ZFYVE21: variants seen among roughly 807,000 people sequenced by gnomAD.
The protein encoded by ZFYVE21 is zinc finger FYVE-type containing 21.
ZFYVE21 carries 21 observed loss-of-function variants against 29.5 expected under a neutral mutation model. That is an observed-to-expected ratio of 0.71 (90% confidence interval 0.50 to 1.02). ZFYVE21 has a LOEUF of 1.02. ZFYVE21 is among the 50% of genes least tolerant of loss of function. The pLI is 0.00. For missense variants in ZFYVE21, 326 were observed against 335.4 expected (o/e 0.97, Z 0.22); for synonymous variants, 151 against 133.8 (o/e 1.13, Z -0.89).
At chr14:103,730,069 G>A (rs1015313746) in intron 5 of ZFYVE21, 1 of 570,434 alleles carries the variant, frequency 1.8e-6, no homozygotes, top group Non-Finnish European at 3.0e-6. Flanking sequence ...CTGTCTCAGC[G>A]GGAGGGTTAC....
At position 103,729,118 on chromosome 14, in the gene ZFYVE21, C is replaced by T. The variant is rs760000879; in HGVS notation, c.462C>T (p.His154=). 1 of 1,614,104 alleles carries T rather than the reference C, an allele frequency of 6.2e-7. No individual in the cohort carries two copies. Among genetic ancestry groups the T allele is most frequent in the Non-Finnish European group, 8.5e-7 (1 of 1,180,022 alleles). Residue 154 remains histidine, a synonymous_variant, in exon 5 of 7, where the codon CAC becomes CAT. Transcript: ENST00000311141. Reference sequence around the variant, plus strand: ...ACTTGTTTCTGGATGGAGACAGCCACTATGAAATCGAAATTGTACACATTT... The same window carrying T: ...ACTTGTTTCTGGATGGAGACAGCCATTATGAAATCGAAATTGTACACATTT... ...QRYLFLDGDS[H]YEIEIVHIST...
At chr14:103,729,545 C>G in intron 5 of ZFYVE21, 3 of 587,866 alleles carry the variant, frequency 5.1e-6, no homozygotes, top group Non-Finnish European at 8.9e-6. Flanking sequence ...GGTGGCTCAT[C>G]GGGAGCCAGC....
At chr14:103,727,681 G>C in intron 2 of ZFYVE21, 65 bp from the exon 3 acceptor site, 1 of 1,587,310 alleles carries the variant, frequency 6.3e-7, no homozygotes, top group Non-Finnish European at 8.5e-7. Context: ...AGGCCAGCCG[G>C]GGCCACACCC....
chr14:103,722,084 G>A (rs952064769), intron 1 of ZFYVE21, among the ~76,000 whole-genome samples: 19 of 152,328 alleles, frequency 1.2e-4, no homozygotes, highest in South Asian at 2.1e-4. Flanking sequence ...TCTGGGGCCC[G>A]GCTTGCTGTC....
At chr14:103,718,625 C>T (rs1375210626) in intron 1 of ZFYVE21, among the ~76,000 whole-genome samples, 1 of 152,178 alleles carries the variant, frequency 6.6e-6, no homozygotes. Context: ...TTGTCTGACT[C>T]TGCCATCAAA....
intron 1 of ZFYVE21, among the ~76,000 whole-genome samples, chr14:103,722,780 C>G (rs193104414): frequency 8.1e-4 from 123 of 151,872 alleles, no homozygotes; most frequent in African/African-American, 2.8e-3. Flanking sequence ...GATTGTGCCA[C>G]TGCACTCCAG....
rs2083819357 is a variant in ZFYVE21 at position 103,716,640 on chromosome 14, C to T, written c.138+661C>T. On this transcript the variant is annotated intron_variant, in intron 1 of 6. Coordinates refer to ENST00000311141, the MANE Select transcript of ZFYVE21 (RefSeq NM_024071.4). The surrounding 1 kb of genome is among the most constrained non-coding windows in gnomAD (Gnocchi z 4.8). ...GCCCACTGGACAGTTTGAAGGAGAC[C>T]GCAGATTTGCACCCGTTTCCCATGG... Among the ~76,000 whole-genome samples the T allele has an allele frequency of 6.6e-6, 1 of 152,230 alleles. No homozygotes were observed. Among genetic ancestry groups the T allele is most frequent in the East Asian group, 1.9e-4 (1 of 5,192 alleles).
At chr14:103,732,798 G>A in intron 6 of ZFYVE21, 36 bp downstream of exon 6, 1 of 1,605,200 alleles carries the variant, frequency 6.2e-7, no homozygotes, top group Non-Finnish European at 8.5e-7. Context: ...TGGGCCCTTT[G>A]GCTTAGACAA....
intron 2 of ZFYVE21, 138 bp from the exon 3 acceptor site, chr14:103,727,605 CAGG>C (rs2083939914): frequency 2.8e-6 from 3 of 1,084,006 alleles, no homozygotes; most frequent in Non-Finnish European, 4.1e-6. Flanking sequence ...GGGCTGGCGA[CAGG>C]AGGTGCGCGT....
chr14:103,721,486 G>A (rs1326393837), intron 1 of ZFYVE21, among the ~76,000 whole-genome samples: 7 of 152,358 alleles, frequency 4.6e-5, no homozygotes, highest in Admixed American at 2.0e-4. Context: ...AGTGCCAGGC[G>A]CCCCAGAGAG....
At position 103,727,888 on chromosome 14, in the gene ZFYVE21, A is replaced by G. The variant is rs767844330; in HGVS notation, c.332A>G (p.Asp111Gly). The G allele has an allele frequency of 6.2e-7, 1 of 1,612,806 alleles. No homozygotes were observed. The highest frequency in any genetic ancestry group is 8.5e-7 in the Non-Finnish European group (1 of 1,179,590). Reference sequence around the variant, plus strand: ...TCCCTCAAGGAGGCGGAGTTCTACGACAAGCAGCTCAAAGTGCTCCTGAGC... The same window carrying G: ...TCCCTCAAGGAGGCGGAGTTCTACGGCAAGCAGCTCAAAGTGCTCCTGAGC... ...LVSLKEAEFY[D>G]KQLKVLLSGA... Residue 111 changes from aspartate (D) to glycine (G), a missense_variant, in exon 3 of 7, where the codon GAC becomes GGC. Transcript: ENST00000311141.
At chr14:103,718,050 G>A (rs1031510575) in intron 1 of ZFYVE21, among the ~76,000 whole-genome samples, 6 of 152,228 alleles carry the variant, frequency 3.9e-5, no homozygotes, top group Admixed American at 6.5e-5. Context: ...TGCTGGCTGC[G>A]TGCTTGGGGC....
In ZFYVE21 at chr14:103,732,901, TC is replaced by T. The variant is rs897323200; in HGVS notation, c.670-78del. 28 of 1,606,112 alleles carry T rather than the reference TC, an allele frequency of 1.7e-5. No homozygotes were observed. In the Admixed American group the frequency reaches 4.7e-4, roughly 27 times the overall value. ...CCTCAGCTGGGGTGCCCACGCCATCTCCCCTGAAATGCACACAGGCTTGGCT... is the reference window on the plus strand; with the variant it reads ...CCTCAGCTGGGGTGCCCACGCCATCTCCCTGAAATGCACACAGGCTTGGCT... On this transcript the variant is annotated intron_variant, in intron 6 of 6. Coordinates refer to ENST00000311141, the MANE Select transcript of ZFYVE21 (RefSeq NM_024071.4).
At chr14:103,728,292 T>G (rs1445880849) in intron 3 of ZFYVE21, among the ~76,000 whole-genome samples, 1 of 152,086 alleles carries the variant, frequency 6.6e-6, no homozygotes, top group African/African-American at 2.4e-5. Context: ...GCAGACCCGG[T>G]TTTGAGCCAT....
chr14:103,730,506 C>T (rs2083964161), intron 5 of ZFYVE21: 1 of 152,574 alleles, frequency 6.6e-6, no homozygotes, highest in Admixed American at 6.5e-5. Context: ...AGGCCAGTGC[C>T]TCAGGAGGCC....
chr14:103,715,822 C>A lies in ZFYVE21; in HGVS notation c.-20C>A. The A allele has an allele frequency of 2.2e-6, 3 of 1,359,026 alleles. No homozygotes were observed. Among genetic ancestry groups the A allele is most frequent in the Non-Finnish European group, 2.9e-6 (3 of 1,047,516 alleles). The allele number at this position is 1,359,026 out of a possible 1,614,324, so 84.2% of individuals were successfully genotyped here. On this transcript the variant is annotated 5_prime_UTR_variant, in exon 1 of 7. Transcript: ENST00000311141. Reference sequence around the variant, plus strand: ...AGGGGCCGGGTGCGGGGCCGCTGGCCGAGAGGCTGAGGCGGCGTCATGTCC... The same window carrying A: ...AGGGGCCGGGTGCGGGGCCGCTGGCAGAGAGGCTGAGGCGGCGTCATGTCC...
chr14:103,726,947 C>T (rs1320328131), intron 2 of ZFYVE21, 105 bp downstream of exon 2: 60 of 680,400 alleles, frequency 8.8e-5, no homozygotes, highest in African/African-American at 2.8e-4. Context: ...TCTTATGGCT[C>T]GTTTTTTTTT....
At position 103,720,915 on chromosome 14, in the gene ZFYVE21, C is replaced by T. The variant is rs557068719; in HGVS notation, c.138+4936C>T. Among the ~76,000 whole-genome samples the T allele has an allele frequency of 2.2e-4, 33 of 152,158 alleles. 1 individual carries two copies. The highest frequency in any genetic ancestry group is 3.9e-4 in the East Asian group (2 of 5,190). ...TCGGCTCACTTCAGCCTTCACCTCC[C>T]GGGTTCAAGCCATTCTCCTGCCTCA... On this transcript the variant is annotated intron_variant, in intron 1 of 6. Coordinates refer to ENST00000311141, the MANE Select transcript of ZFYVE21 (RefSeq NM_024071.4).
At chr14:103,722,999 T>C (rs891718193) in intron 1 of ZFYVE21, among the ~76,000 whole-genome samples, 1 of 152,150 alleles carries the variant, frequency 6.6e-6, no homozygotes, top group African/African-American at 2.4e-5. Context: ...AAACACAAAC[T>C]GCACAGTAAA....
Sources: allele counts gnomAD v4.1 joint callset (sites outside exome capture counted in the v4.1 genomes callset), GRCh38; gene constraint gnomAD v4.1.1; non-coding constraint Gnocchi (gnomAD v3.1); transcripts MANE v1.5; gene names NCBI Gene and HGNC (gene_info 2026-07-23, HGNC 2026-07-21).